Variants in CACNG4 observed in about 807,000 individuals in gnomAD.
CACNG4 encodes calcium voltage-gated channel auxiliary subunit gamma 4, also known as voltage-dependent calcium channel gamma-4 subunit.
CACNG4 carries 8 observed loss-of-function variants against 22.9 expected under a neutral mutation model. The ratio of observed to expected loss-of-function variants is 0.35; its 90% CI spans 0.21 to 0.63. The LOEUF (loss-of-function observed/expected upper bound fraction) is 0.63, where lower values mean the gene tolerates loss of function less well. Among genes scored for constraint, CACNG4 ranks in the 30% least tolerant of loss-of-function variants. The pLI is 0.72. For missense variants in CACNG4, 357 were observed against 455.4 expected, an observed-to-expected ratio of 0.78 and a Z score of 1.97; for synonymous variants, 188 against 191.9, an observed-to-expected ratio of 0.98 and a Z score of 0.17.
intron 1 of CACNG4, among the ~76,000 whole-genome samples, chr17:67,017,154 G>A (rs919567938): frequency 6.6e-6 from 1 of 152,022 alleles, no homozygotes; most frequent in African/African-American, 2.4e-5. Flanking sequence ...TCAGCTCACC[G>A]CAACCTCCAC....
At chr17:66,979,745 CTTT>C (rs35942551) in intron 1 of CACNG4, among the ~76,000 whole-genome samples, 2 of 92,016 alleles carry the variant, frequency 2.2e-5, no homozygotes, top group Non-Finnish European at 4.0e-5. Flanking sequence ...TCTTTTCATG[CTTT>C]TTTTTTTTTT....
At chr17:67,001,087 G>T (rs1367300481) in intron 1 of CACNG4, among the ~76,000 whole-genome samples, 6 of 151,984 alleles carry the variant, frequency 3.9e-5, no homozygotes, top group Non-Finnish European at 8.8e-5. Context: ...CTGGTCTCGT[G>T]GTAGTGAATA....
intron 1 of CACNG4, among the ~76,000 whole-genome samples, chr17:66,969,027 G>T (rs947142665): frequency 3.9e-5 from 6 of 152,016 alleles, no homozygotes; most frequent in African/African-American, 1.4e-4. Context: ...TAGGAAAGGG[G>T]TAGTAAACCT....
chr17:67,000,762 C>T (rs1407283189), intron 1 of CACNG4, among the ~76,000 whole-genome samples: 2 of 152,142 alleles, frequency 1.3e-5, no homozygotes, highest in Admixed American at 6.5e-5. Context: ...AGATGGACAG[C>T]GATGGGGGCA....
At chr17:67,028,079 G>T (rs1443751470) in intron 3 of CACNG4, among the ~76,000 whole-genome samples, 1 of 151,976 alleles carries the variant, frequency 6.6e-6, no homozygotes, top group Non-Finnish European at 1.5e-5. Flanking sequence ...TGTTGGAAAG[G>T]GTTCTTACAG....
intron 3 of CACNG4, among the ~76,000 whole-genome samples, chr17:67,026,461 GTA>G: frequency 1.5e-5 from 2 of 137,180 alleles, no homozygotes; most frequent in African/African-American, 6.0e-5. Flanking sequence ...GTATGTGTGT[GTA>G]TTTGAGGACT....
rs563774666 is a variant in CACNG4 at position 66,966,804 on chromosome 17, C to T, written c.220+1673C>T. Among the ~76,000 whole-genome samples, 5 of 152,354 alleles carry T rather than the reference C, an allele frequency of 3.3e-5. No homozygotes were observed. The East Asian group carries it at 9.6e-4, about 29-fold the overall frequency. ...AGCCACACAAAAGAGCCAGTGGGCT[C>T]ATGATCACACCCTCCTCTTTTCTTT... On this transcript the variant is annotated intron_variant, in intron 1 of 3. Coordinates refer to ENST00000262138, the MANE Select transcript of CACNG4 (RefSeq NM_014405.4).
At chr17:66,994,097 G>A (rs746149964) in intron 1 of CACNG4, among the ~76,000 whole-genome samples, 31 of 151,978 alleles carry the variant, frequency 2.0e-4, no homozygotes, top group Non-Finnish European at 3.4e-4. Flanking sequence ...TTGGGAGGCC[G>A]AGGTGAGAGC....
Position 67,012,869 on chromosome 17 carries a change from T to C in CACNG4, c.221-5320T>C, listed in dbSNP as rs1271880759. Among the ~76,000 whole-genome samples the C allele has an allele frequency of 2.0e-5, 3 of 152,216 alleles. No individual in the cohort carries two copies. In the East Asian group the frequency reaches 5.8e-4, roughly 29 times the overall value. Reference sequence around the variant, plus strand: ...CAGAAGGGTGACCATACACCCTCAGTAGGTGCCTGTGGCAGCTGTGAATGT... The same window carrying C: ...CAGAAGGGTGACCATACACCCTCAGCAGGTGCCTGTGGCAGCTGTGAATGT... On this transcript the variant is annotated intron_variant, in intron 1 of 3. Transcript: ENST00000262138.
intron 2 of CACNG4, among the ~76,000 whole-genome samples, chr17:67,021,358 A>T (rs780770509): frequency 2.0e-5 from 3 of 152,228 alleles, no homozygotes; most frequent in Admixed American, 6.5e-5. Flanking sequence ...TGCCTGCAGG[A>T]TGCCTGTTTC....
Position 67,030,514 on chromosome 17 carries a change from G to A in CACNG4, c.494G>A (p.Gly165Asp). 1 of 1,614,086 alleles carries A rather than the reference G, an allele frequency of 6.2e-7. No individual in the cohort carries two copies. The highest frequency in any genetic ancestry group is 8.5e-7 in the Non-Finnish European group (1 of 1,180,016). ...ATCGTCTACATTTCCAGCAACACAG[G>A]TGACCCGAGTGACAAGCGGGACGAA... The part of the protein sequence containing the change: ...GIIVYISSNT[G>D]DPSDKRDEDK... The change falls in exon 4 of 4, where the codon GGT (glycine) becomes GAT (aspartate). Residue 165 changes from glycine to aspartate, a missense_variant. Around this residue, in one of 3 missense-constraint regions of CACNG4, gnomAD observed 240 missense variants for 277.6 expected, o/e 0.86. Coordinates refer to ENST00000262138, the MANE Select transcript of CACNG4 (RefSeq NM_014405.4). The surrounding 1 kb of genome is among the most constrained non-coding windows in gnomAD (Gnocchi z 6.4).
At chr17:66,993,942 A>G (rs2035357519) in intron 1 of CACNG4, among the ~76,000 whole-genome samples, 1 of 152,130 alleles carries the variant, frequency 6.6e-6, no homozygotes, top group African/African-American at 2.4e-5. Flanking sequence ...AACTTGCTTC[A>G]GGGTAGTAAC....
At chr17:67,028,498 A>G (rs1040794941) in intron 3 of CACNG4, among the ~76,000 whole-genome samples, 7 of 151,940 alleles carry the variant, frequency 4.6e-5, no homozygotes, top group Non-Finnish European at 1.0e-4. Context: ...GCTTGCAGTG[A>G]GCCAAGATCG....
chr17:67,018,110 A>C, intron 1 of CACNG4, 79 bp from the exon 2 acceptor site: 88 of 1,095,784 alleles, frequency 8.0e-5, no homozygotes, highest in Non-Finnish European at 1.1e-4. Flanking sequence ...GCTCACACAC[A>C]TGGCAACCGT....
intron 3 of CACNG4, among the ~76,000 whole-genome samples, chr17:67,028,464 A>G (rs375411500): frequency 1.7e-4 from 26 of 152,054 alleles, no homozygotes; most frequent in East Asian, 1.4e-3. Flanking sequence ...GAGGCAGGAG[A>G]ATGGCGTGAA....
In CACNG4 at chr17:67,031,527, C is replaced by G. The variant is rs1194059652; in HGVS notation, c.*523C>G. 2.2e-6 allele frequency: 1 copy of G among 457,040 alleles called. No homozygotes were observed. The highest frequency in any genetic ancestry group is 4.4e-6 in the Non-Finnish European group (1 of 227,128). 28.3% of individuals were successfully genotyped at this position (457,040 alleles called of 1,614,324 possible). A position where few individuals can be genotyped will look rare whatever the true frequency, so the allele number is the denominator to read the frequency against. ...CAGACCACCGAAGCTCACTCCCTTC[C>G]TCTCCATCTCTCCCTCTCTCCAAGA... On this transcript the variant is annotated 3_prime_UTR_variant, in exon 4 of 4. Transcript: ENST00000262138. This position sits in a 1 kb window ranked among gnomAD's most constrained non-coding sequence, Gnocchi z 4.0.
intron 2 of CACNG4, among the ~76,000 whole-genome samples, chr17:67,023,602 A>G (rs1307071487): frequency 1.9e-5 from 2 of 105,804 alleles, no homozygotes; most frequent in African/African-American, 7.5e-5. Context: ...ACAGAATGTC[A>G]CTCTTGTCGC....
rs971343759 is a variant in CACNG4 at position 66,973,609 on chromosome 17, T to C, written c.220+8478T>C. On this transcript the variant is annotated intron_variant, in intron 1 of 3. Coordinates refer to ENST00000262138, the MANE Select transcript of CACNG4 (RefSeq NM_014405.4). ...CAGCCACCGTAGCGTGCGGCAGCAA[T>C]AGGTGCAGAACAGCGATGGAAACTC... 9.9e-5 allele frequency among the ~76,000 whole-genome samples: 15 copies of C among 152,140 alleles called. No individual in the cohort carries two copies. The South Asian group carries it at 1.0e-3, about 11-fold the overall frequency.
At chr17:67,009,860 A>C (rs2035459058) in intron 1 of CACNG4, among the ~76,000 whole-genome samples, 1 of 152,142 alleles carries the variant, frequency 6.6e-6, no homozygotes, top group African/African-American at 2.4e-5. Context: ...CCTCAGGGTT[A>C]GGAGTTCAGC....
Sources: allele counts gnomAD v4.1 joint callset (sites outside exome capture counted in the v4.1 genomes callset), GRCh38; gene constraint gnomAD v4.1.1; regional missense constraint gnomAD v4.1.1; non-coding constraint Gnocchi (gnomAD v3.1); transcripts MANE v1.5; gene names NCBI Gene and HGNC (gene_info 2026-07-23, HGNC 2026-07-21).